The following ARVCF variants were observed in gnomAD, a reference collection of about 807,000 sequenced individuals.
ARVCF encodes splicing regulator ARVCF.
ARVCF carries 66 observed loss-of-function variants against 90.9 expected under a neutral mutation model. The ratio of observed to expected loss-of-function variants is 0.73; its 90% CI spans 0.60 to 0.89. The LOEUF is 0.89. Among genes scored for constraint, ARVCF ranks in the 40% least tolerant of loss-of-function variants. The pLI, the probability that ARVCF is intolerant of heterozygous loss-of-function variation, is 0.00. For synonymous variants in ARVCF, 653 were observed against 603.4 expected (o/e 1.08, Z -1.21); for missense variants, 1,469 against 1,382.3 (o/e 1.06, Z -1.00).
intron 8 of ARVCF, 108 bp from the exon 9 acceptor site, chr22:19,977,694 C>T: frequency 2.1e-6 from 3 of 1,408,536 alleles, no homozygotes; most frequent in Non-Finnish European, 2.8e-6. Flanking sequence ...AGCAAAGGAA[C>T]AGGGAGTCCT....
intron 5 of ARVCF, chr22:19,980,462 AC>A: frequency 1.6e-6 from 1 of 612,972 alleles, no homozygotes; most frequent in Non-Finnish European, 2.5e-6. Context: ...GCCAGCGGCT[AC>A]CAGGACCCAG....
At chr22:19,967,155 C>T (rs1446437788), downstream of ARVCF, 3 of 1,301,982 alleles carry the variant, frequency 2.3e-6, no homozygotes, top group Admixed American at 2.3e-5. Flanking sequence ...TCCTGTTTAA[C>T]TCGTGCAGGT....
chr22:19,975,479 G>C (rs1943101823), intron 11 of ARVCF, among the ~76,000 whole-genome samples: 1 of 152,204 alleles, frequency 6.6e-6, no homozygotes, highest in African/African-American at 2.4e-5. Flanking sequence ...TGCCTGACAT[G>C]ACCCATGGCA....
intron 3 of ARVCF, chr22:19,986,793 GA>G: frequency 2.5e-6 from 1 of 397,096 alleles, no homozygotes; most frequent in African/African-American, 2.1e-5. Flanking sequence ...CCGGTGCCAA[GA>G]GGAGGGTCAA....
chr22:19,990,844 T>C, intron 2 of ARVCF, 32 bp from the exon 3 acceptor site: 1 of 1,532,480 alleles, frequency 6.5e-7, no homozygotes, highest in Non-Finnish European at 8.8e-7. Flanking sequence ...CTCAGTGGGG[T>C]GGGGCACAGC....
rs530270796 is a variant in ARVCF, at chr22:19,987,112, G to T, written c.210+3473C>A. On this transcript the variant is annotated intron_variant, in intron 3 of 19. Coordinates refer to ENST00000263207, the MANE Select transcript of ARVCF (RefSeq NM_001670.3). ...CCGGCATCGGGCCGGGACTCGGGGGGCGCTGGCCAGCAGCGGGGGAGGCGG... is the reference window on the plus strand; with the variant it reads ...CCGGCATCGGGCCGGGACTCGGGGGTCGCTGGCCAGCAGCGGGGGAGGCGG... 1,507 of 543,622 alleles carry T rather than the reference G, an allele frequency of 2.8e-3. 5 individuals are homozygous for T. Among genetic ancestry groups the T allele is most frequent in the Non-Finnish European group, 3.6e-3 (1,086 of 299,254 alleles). 33.7% of individuals were successfully genotyped at this position (543,622 alleles called of 1,614,324 possible). A position where few individuals can be genotyped will look rare whatever the true frequency, so the allele number is the denominator to read the frequency against.
intron 3 of ARVCF, chr22:19,986,778 C>G (rs1943793229): frequency 2.7e-6 from 1 of 368,834 alleles, no homozygotes; most frequent in African/African-American, 2.1e-5. Flanking sequence ...TCCATCCGGT[C>G]CGGGCCGGTG....
In ARVCF at chr22:19,975,686, C is replaced by CA; in HGVS notation, c.1959_1960insT (p.Gly654TrpfsTer3). 6.2e-7 allele frequency: 1 copy of CA among 1,613,616 alleles called. No homozygotes were observed. The highest frequency in any genetic ancestry group is 1.1e-5 in the South Asian group (1 of 91,076). Reference sequence around the variant, plus strand: ...GCTGGCTTCATCTCAGCCCACTCACCTTTGGCGGCCTCAGTTCGCTTGGGC... The same window carrying CA: ...GCTGGCTTCATCTCAGCCCACTCACCATTTGGCGGCCTCAGTTCGCTTGGGC... On this transcript the variant is annotated frameshift_variant and splice_region_variant, in exon 11 of 20. Coordinates refer to ENST00000263207, the MANE Select transcript of ARVCF (RefSeq NM_001670.3). LOFTEE classifies it high-confidence loss of function.
rs1284034568 is a variant in ARVCF, at chr22:19,970,718, TA to T, written c.*37del. 1.1e-5 allele frequency: 14 copies of T among 1,286,208 alleles called. No individual in the cohort carries two copies. Among genetic ancestry groups the T allele is most frequent in the Non-Finnish European group, 1.4e-5 (14 of 987,958 alleles). 79.7% of individuals were successfully genotyped at this position (1,286,208 alleles called of 1,614,324 possible). Reference sequence around the variant, plus strand: ...GGCCCTTCTTCCACGATCCAAGCCCTAAGAACAAGAGGCTGGGCCTGGGCCC... The same window carrying T: ...GGCCCTTCTTCCACGATCCAAGCCCTAGAACAAGAGGCTGGGCCTGGGCCC... On this transcript the variant is annotated 3_prime_UTR_variant, in exon 20 of 20. Transcript: ENST00000263207.
rs748975207 is a variant in ARVCF at position 19,972,836 on chromosome 22, T to C, written c.2551-9A>G. The stretch of plus-strand genomic sequence containing the variant: ...GCAGTAGCAGCAGCTGACTGAGACA[T>C]AAAACACAGACACAGGGTGGGTGAA... On this transcript the variant is annotated splice_polypyrimidine_tract_variant and intron_variant, in intron 15 of 19. Coordinates refer to ENST00000263207, the MANE Select transcript of ARVCF (RefSeq NM_001670.3). 6.2e-7 allele frequency: 1 copy of C among 1,613,560 alleles called. No homozygotes were observed. Among genetic ancestry groups the C allele is most frequent in the Non-Finnish European group, 8.5e-7 (1 of 1,179,794 alleles).
chr22:19,994,964 G>A (rs1232331818), intron 2 of ARVCF, among the ~76,000 whole-genome samples: 1 of 152,026 alleles, frequency 6.6e-6, no homozygotes, highest in Non-Finnish European at 1.5e-5. Flanking sequence ...TGGGGAATGA[G>A]GGGTATGGAC....
chr22:19,982,391 T>C (rs1325760208), intron 3 of ARVCF, among the ~76,000 whole-genome samples: 1 of 152,066 alleles, frequency 6.6e-6, no homozygotes, highest in African/African-American at 2.4e-5. Flanking sequence ...GATAAGGACA[T>C]AGACCCTGGG....
At chr22:19,968,967 T>C (rs1356718458), downstream of ARVCF, 1 of 480,096 alleles carries the variant, frequency 2.1e-6, no homozygotes, top group African/African-American at 1.9e-5. Flanking sequence ...TATTATCTTA[T>C]ATACTAATAT....
chr22:19,968,588 G>A, downstream of ARVCF: 1 of 1,614,078 alleles, frequency 6.2e-7, no homozygotes, highest in Non-Finnish European at 8.5e-7. Flanking sequence ...AACGTGATCT[G>A]CCCAGGTGCG....
In ARVCF at chr22:19,977,575, G is replaced by C; in HGVS notation, c.1710C>G (p.Asn570Lys). 6.5e-7 allele frequency: 1 copy of C among 1,533,466 alleles called. No homozygotes were observed. The highest frequency in any genetic ancestry group is 8.8e-7 in the Non-Finnish European group (1 of 1,139,068). The allele number at this position is 1,533,466 out of a possible 1,614,324, so 95.0% of individuals were successfully genotyped here. A position where few individuals can be genotyped will look rare whatever the true frequency, so the allele number is the denominator to read the frequency against. Residue 570 changes from asparagine to lysine, a missense_variant, in exon 9 of 20, where the codon AAC becomes AAG. By Grantham distance (94) the Asn-to-Lys change is moderately conservative. Transcript: ENST00000263207. The part of the protein sequence containing the change: ...RKDTDNKSVE[N>K]CVCIMRNLSY... ...ACAGGTTCCGCATGATGCACACGCA[G>C]TTCTCCACCGACTGCAGGGAGAGGT...
At chr22:19,987,980 A>C (rs1943882603) in intron 3 of ARVCF, among the ~76,000 whole-genome samples, 1 of 152,160 alleles carries the variant, frequency 6.6e-6, no homozygotes, top group South Asian at 2.1e-4. Context: ...AAACCCCACA[A>C]AGGCCAAGCC....
chr22:19,978,833 A>G (rs1943311118), intron 7 of ARVCF, 64 bp downstream of exon 7: 3 of 1,549,138 alleles, frequency 1.9e-6, no homozygotes, highest in Non-Finnish European at 2.6e-6. Flanking sequence ...CTTCCACACT[A>G]TCTGGGACCA....
chr22:19,984,169 G>A (rs1018759389), intron 3 of ARVCF, among the ~76,000 whole-genome samples: 1 of 152,142 alleles, frequency 6.6e-6, no homozygotes, highest in Non-Finnish European at 1.5e-5. Flanking sequence ...CCTCATATAT[G>A]TATATATTTA....
intron 3 of ARVCF, among the ~76,000 whole-genome samples, chr22:19,985,814 T>C (rs529130854): frequency 2.0e-5 from 3 of 152,302 alleles, no homozygotes; most frequent in South Asian, 2.1e-4. Flanking sequence ...TAAGGTGAGA[T>C]TGCACACCTG....
Sources: allele counts gnomAD v4.1 joint callset (sites outside exome capture counted in the v4.1 genomes callset), GRCh38; gene constraint gnomAD v4.1.1; transcripts MANE v1.5; gene names NCBI Gene and HGNC (gene_info 2026-07-23, HGNC 2026-07-21).